Variants in BAALC observed in about 807,000 individuals in gnomAD.
BAALC encodes the protein brain and acute leukemia cytoplasmic protein.
A neutral mutation model predicts 15.5 loss-of-function variants in BAALC; 9 were observed. The observed-to-expected ratio is 0.58, with a 90% CI of 0.35 to 1.02. The LOEUF is 1.02. Among genes scored for constraint, BAALC ranks in the 50% least tolerant of loss-of-function variants. BAALC has a pLI of 0.02. For missense variants in BAALC, 201 were observed against 192.4 expected (o/e 1.04, Z -0.27); for synonymous variants, 80 against 74.6 (o/e 1.07, Z -0.37).
At chr8:103,196,640 G>A (rs1279371315) in intron 1 of BAALC, among the ~76,000 whole-genome samples, 5 of 152,028 alleles carry the variant, frequency 3.3e-5, no homozygotes, top group African/African-American at 7.2e-5. Context: ...TCCACAGGCC[G>A]CCATCCCTTC....
Position 103,228,147 on chromosome 8 carries a change from C to T in BAALC, c.*48C>T, listed in dbSNP as rs750935931. On this transcript the variant is annotated 3_prime_UTR_variant, in exon 3 of 3. Coordinates refer to ENST00000309982, the MANE Select transcript of BAALC (RefSeq NM_024812.3). ...AGATGGACTTCTTCAGTGTCCTTCACGGCACTGGATCCCATCAAAGAACCT... is the reference window on the plus strand; with the variant it reads ...AGATGGACTTCTTCAGTGTCCTTCATGGCACTGGATCCCATCAAAGAACCT... The T allele has an allele frequency of 4.5e-5, 57 of 1,269,476 alleles. No individual in the cohort carries two copies. Among genetic ancestry groups the T allele is most frequent in the Middle Eastern group, 1.8e-4 (1 of 5,428 alleles). 78.6% of individuals were successfully genotyped at this position (1,269,476 alleles called of 1,614,324 possible).
chr8:103,176,780 C>T (rs1023308586), intron 1 of BAALC, among the ~76,000 whole-genome samples: 1 of 152,134 alleles, frequency 6.6e-6, no homozygotes, highest in Non-Finnish European at 1.5e-5. Flanking sequence ...TTTATCTTGC[C>T]TCTGACATGA....
rs1331793064 is a variant in BAALC, at chr8:103,213,031, G to A, written c.273G>A (p.Gln91=). 1 of 1,614,000 alleles carries A rather than the reference G, an allele frequency of 6.2e-7. No homozygotes were observed. Among genetic ancestry groups the A allele is most frequent in the African/African-American group, 1.3e-5 (1 of 74,918 alleles). ...GTGAGACCCAGTGCCCAAATCCCCA[G>A]AGCCTCAGCTCAGGCCCTCTGACCC... ...TNCETQCPNP[Q]SLSSGPLTQK... The change falls in exon 2 of 3, where the codon CAG becomes CAA. Residue 91 remains glutamine, a synonymous_variant. Transcript: ENST00000309982.
intron 1 of BAALC, among the ~76,000 whole-genome samples, chr8:103,164,189 C>T (rs1413431025): frequency 6.6e-6 from 1 of 152,052 alleles, no homozygotes; most frequent in Non-Finnish European, 1.5e-5. Context: ...GGAGGGGCCC[C>T]CAGTAGTGCA....
At chr8:103,179,442 A>G (rs565534229) in intron 1 of BAALC, among the ~76,000 whole-genome samples, 1 of 152,210 alleles carries the variant, frequency 6.6e-6, no homozygotes, top group Non-Finnish European at 1.5e-5. Flanking sequence ...TTCACAAATA[A>G]AACTACCATT....
chr8:103,191,784 G>A (rs1278517145), intron 1 of BAALC, among the ~76,000 whole-genome samples: 1 of 152,144 alleles, frequency 6.6e-6, no homozygotes, highest in Non-Finnish European at 1.5e-5. Context: ...CCAGAACTTT[G>A]CAGGCACTTG....
chr8:103,180,811 A>G (rs891159971), intron 1 of BAALC, among the ~76,000 whole-genome samples: 5 of 152,226 alleles, frequency 3.3e-5, no homozygotes, highest in Admixed American at 6.5e-5. Flanking sequence ...ATTGAAAATG[A>G]ACCAAGACAA....
At chr8:103,217,408 T>A (rs1812583495) in intron 2 of BAALC, among the ~76,000 whole-genome samples, 1 of 152,158 alleles carries the variant, frequency 6.6e-6, no homozygotes, top group Admixed American at 6.5e-5. Flanking sequence ...AACTGCCTAC[T>A]ATTTGCCCAA....
intron 2 of BAALC, among the ~76,000 whole-genome samples, chr8:103,218,195 A>G (rs1030699295): frequency 4.6e-5 from 7 of 152,006 alleles, no homozygotes; most frequent in Middle Eastern, 3.2e-3. Context: ...CCTTTTTGTC[A>G]ATTCCCTCCA....
intron 1 of BAALC, among the ~76,000 whole-genome samples, chr8:103,178,726 G>A (rs527291384): frequency 1.1e-4 from 16 of 151,980 alleles, no homozygotes; most frequent in South Asian, 4.2e-4. Context: ...GTATGGTGGC[G>A]TGTGCCTGTA....
intron 1 of BAALC, among the ~76,000 whole-genome samples, chr8:103,179,415 T>C (rs1811677814): frequency 6.6e-6 from 1 of 152,218 alleles, no homozygotes; most frequent in African/African-American, 2.4e-5. Flanking sequence ...ATTATCCCAA[T>C]CTCTGGATAA....
intron 1 of BAALC, among the ~76,000 whole-genome samples, chr8:103,143,526 CT>C (rs1810826832): frequency 6.6e-6 from 1 of 152,180 alleles, no homozygotes; most frequent in Non-Finnish European, 1.5e-5. Context: ...AATTCTAGAG[CT>C]GGAGAAGGTC....
chr8:103,175,463 T>A (rs1349536098), intron 1 of BAALC, among the ~76,000 whole-genome samples: 6 of 152,226 alleles, frequency 3.9e-5, no homozygotes, highest in Non-Finnish European at 8.8e-5. Flanking sequence ...GATTCCTCTC[T>A]TTCCTAGTTA....
intron 1 of BAALC, among the ~76,000 whole-genome samples, chr8:103,205,538 T>C (rs1262863910): frequency 6.6e-6 from 1 of 151,964 alleles, no homozygotes; most frequent in Non-Finnish European, 1.5e-5. Context: ...GATAGATAGA[T>C]GATAGATAGA....
chr8:103,181,494 G>C (rs1048131229), intron 1 of BAALC, among the ~76,000 whole-genome samples: 2 of 152,004 alleles, frequency 1.3e-5, no homozygotes, highest in Non-Finnish European at 1.5e-5. Flanking sequence ...GGATGGTCTC[G>C]ATCTCCTGAC....
At chr8:103,150,863 T>C (rs967916592) in intron 1 of BAALC, among the ~76,000 whole-genome samples, 2 of 152,088 alleles carry the variant, frequency 1.3e-5, no homozygotes, top group East Asian at 1.9e-4. Context: ...CCGGTCTCTG[T>C]TTACAATTTC....
At chr8:103,154,807 A>C (rs1039595192) in intron 1 of BAALC, 1 of 154,394 alleles carries the variant, frequency 6.5e-6, no homozygotes, top group Non-Finnish European at 1.5e-5. Context: ...TATCTCTGCT[A>C]TTATACTGTA....
chr8:103,143,268 C>G (rs1319185068), intron 1 of BAALC, among the ~76,000 whole-genome samples: 1 of 152,080 alleles, frequency 6.6e-6, no homozygotes, highest in East Asian at 1.9e-4. Context: ...TTCCTTTCAT[C>G]TTCTCTGCCC....
chr8:103,172,391 C>CTTTTTTTTT, intron 1 of BAALC, among the ~76,000 whole-genome samples: 1 of 100,126 alleles, frequency 1.0e-5, no homozygotes, highest in Non-Finnish European at 2.0e-5. Context: ...TTCTGGCTTG[C>CTTTTTTTTT]TTTTTTTTTT....
Sources: gnomAD v4.1 joint callset for allele counts (sites outside exome capture counted in the v4.1 genomes callset) on GRCh38, gnomAD v4.1.1 for gene constraint, MANE v1.5 for transcripts, NCBI Gene and HGNC (gene_info 2026-07-23, HGNC 2026-07-21) for gene names.